SHROOM2: variants seen among roughly 807,000 people sequenced by gnomAD.
SHROOM2 encodes the protein shroom family member 2.
SHROOM2 carries 33 observed loss-of-function variants against 75.9 expected under a neutral mutation model. The ratio of observed to expected loss-of-function variants is 0.43; its 90% CI spans 0.33 to 0.58. The LOEUF (loss-of-function observed/expected upper bound fraction) is 0.58, where lower values mean the gene tolerates loss of function less well. Among genes scored for constraint, SHROOM2 ranks in the 20% least tolerant of loss-of-function variants. The pLI is 0.04. For missense variants in SHROOM2, 1,434 were observed against 1,461.2 expected (o/e 0.98, Z 0.30); for synonymous variants, 655 against 663.6 (o/e 0.99, Z 0.20).
In SHROOM2 at chrX:9,946,968, G is replaced by A. The variant is rs2147069723; in HGVS notation, c.*31G>A. On this transcript the variant is annotated 3_prime_UTR_variant, in exon 10 of 10. Transcript: ENST00000380913. ...CAGTCCCCGGTGGAGGAGGGGCACG[G>A]GGCCTCCGAGCTCCAGCTCCGTTCC... 1 of 1,159,526 alleles carries A rather than the reference G, an allele frequency of 8.6e-7. No individual in the cohort carries two copies. Among genetic ancestry groups the A allele is most frequent in the Non-Finnish European group, 1.2e-6 (1 of 866,992 alleles).
At chrX:9,913,263 G>A (rs769867960) in intron 5 of SHROOM2, 4 of 112,603 alleles carry the variant, frequency 3.6e-5, no homozygotes. Flanking sequence ...AAAAAGCGGC[G>A]AAATCAGGTG....
At chrX:9,942,947 A>T (rs2084785016) in intron 8 of SHROOM2, among the ~76,000 whole-genome samples, 1 of 111,535 alleles carries the variant, frequency 9.0e-6, no homozygotes, top group African/African-American at 3.3e-5. Context: ...TAAGACCTGC[A>T]TTCATTCAAG....
At chrX:9,819,694 C>T (rs894762463) in intron 1 of SHROOM2, among the ~76,000 whole-genome samples, 2 of 111,598 alleles carry the variant, frequency 1.8e-5, no homozygotes, top group African/African-American at 3.3e-5. Flanking sequence ...GTGAAGGCCT[C>T]CCTGCTCTCC....
chrX:9,915,798 T>A (rs1267949390), intron 5 of SHROOM2, among the ~76,000 whole-genome samples: 1 of 112,302 alleles, frequency 8.9e-6, no homozygotes, highest in African/African-American at 3.2e-5. Context: ...AACAATCCAT[T>A]TCCGATTCTG....
chrX:9,858,423 C>CT (rs1257615934), intron 1 of SHROOM2, among the ~76,000 whole-genome samples: 3 of 112,615 alleles, frequency 2.7e-5, no homozygotes, highest in African/African-American at 6.4e-5. Flanking sequence ...TTCAGATCGC[C>CT]TTTTCACTTT....
chrX:9,944,593 C>T (rs752058790), intron 8 of SHROOM2, 48 bp from the exon 9 acceptor site: 69 of 1,151,222 alleles, frequency 6.0e-5, no homozygotes, highest in Admixed American at 9.8e-5. Flanking sequence ...GGGTGGGGGC[C>T]GGCCTAACCA....
At chrX:9,805,900 T>A (rs1239449299) in intron 1 of SHROOM2, among the ~76,000 whole-genome samples, 5 of 86,982 alleles carry the variant, frequency 5.7e-5, no homozygotes, top group Non-Finnish European at 8.1e-5. Flanking sequence ...TGAAACTGTG[T>A]CTCAAAAAAA....
chrX:9,895,580 G>A lies in SHROOM2; in HGVS notation c.1672G>A (p.Ala558Thr), dbSNP rs2084323590. The A allele has an allele frequency of 8.6e-7, 1 of 1,168,553 alleles. No homozygotes were observed. Among genetic ancestry groups the A allele is most frequent in the Admixed American group, 2.5e-5 (1 of 39,513 alleles). The change falls in exon 4 of 10, where the codon GCA becomes ACA. Residue 558 changes from alanine to threonine, a missense_variant. Physicochemically the swap from Ala to Thr is moderately conservative, Grantham distance 58 (BLOSUM62 0). Transcript: ENST00000380913. ...GAQEPPRASR[A>T]EKASQRLAAS... Reference sequence around the variant, plus strand: ...CCAGGAGCCTCCCAGGGCCAGCCGTGCAGAAAAAGCCAGCCAGAGGCTGGC... The same window carrying A: ...CCAGGAGCCTCCCAGGGCCAGCCGTACAGAAAAAGCCAGCCAGAGGCTGGC...
At chrX:9,914,208 A>G (rs888061041) in intron 5 of SHROOM2, among the ~76,000 whole-genome samples, 1 of 108,026 alleles carries the variant, frequency 9.3e-6, no homozygotes, top group Admixed American at 1.0e-4. Context: ...AGGAATAACC[A>G]TACACGTTGG....
intron 1 of SHROOM2, among the ~76,000 whole-genome samples, chrX:9,849,282 C>T (rs188756640): frequency 8.9e-6 from 1 of 111,800 alleles, no homozygotes. Context: ...CATGTGGGAG[C>T]TTCTGTGTAC....
intron 8 of SHROOM2, among the ~76,000 whole-genome samples, chrX:9,942,887 G>A (rs1057019094): frequency 9.0e-6 from 1 of 111,484 alleles, no homozygotes. Context: ...TCTGTGTAGC[G>A]TTCCTTCCCC....
chrX:9,860,577 C>A (rs957218690), intron 1 of SHROOM2, among the ~76,000 whole-genome samples: 34 of 111,506 alleles, frequency 3.0e-4, no homozygotes, highest in African/African-American at 1.1e-3. Flanking sequence ...GCATGTGCCA[C>A]CATGCCTGGC....
At chrX:9,880,121 GGGGACA>G (rs1405767777) in intron 2 of SHROOM2, among the ~76,000 whole-genome samples, 1 of 112,061 alleles carries the variant, frequency 8.9e-6, no homozygotes, top group Admixed American at 9.4e-5. Context: ...GCAGGGATCT[GGGGACA>G]GGTCTTGGTG....
Position 9,887,028 on chromosome X carries a change from G to A in SHROOM2, c.318-3949G>A, listed in dbSNP as rs374676429. ...AACAGAATGATTTTGGTCCAGGAACGGGATTGTTTAGCCTTCTCAGCTGCT... is the reference window on the plus strand; with the variant it reads ...AACAGAATGATTTTGGTCCAGGAACAGGATTGTTTAGCCTTCTCAGCTGCT... On this transcript the variant is annotated intron_variant, in intron 2 of 9. Transcript: ENST00000380913. Among the ~76,000 whole-genome samples the A allele has an allele frequency of 2.7e-5, 3 of 112,298 alleles. No individual in the cohort carries two copies. The South Asian group carries it at 1.1e-3, about 41-fold the overall frequency.
chrX:9,795,097 T>TTTTCTTTCTTTCTTTC (rs143123845), intron 1 of SHROOM2, among the ~76,000 whole-genome samples: 9 of 99,624 alleles, frequency 9.0e-5, no homozygotes, highest in African/African-American at 3.3e-4. Context: ...TCATTTTTCT[T>TTTTCTTTCTTTCTTTC]TTTCTTTCTT....
chrX:9,895,124 A>G lies in SHROOM2; in HGVS notation c.1216A>G (p.Ser406Gly). Residue 406 changes from serine (S) to glycine (G), a missense_variant, in exon 4 of 10, where the codon AGT becomes GGT. Transcript: ENST00000380913. ...GCCGCCCTCCAAGGATGGAGCTTCC[A>G]GTAGGCTGCAGGCCTCTCTGTCCAG... ...SWPPSKDGAS[S>G]RLQASLSSSD... is the part of the protein sequence containing the mutation. 8.3e-7 allele frequency: 1 copy of G among 1,211,690 alleles called. No individual in the cohort carries two copies. Among genetic ancestry groups the G allele is most frequent in the Non-Finnish European group, 1.1e-6 (1 of 895,476 alleles).
intron 1 of SHROOM2, among the ~76,000 whole-genome samples, chrX:9,816,708 C>T (rs927116377): frequency 9.0e-6 from 1 of 110,996 alleles, no homozygotes; most frequent in African/African-American, 3.3e-5. Flanking sequence ...GTCCCTGTAG[C>T]CCAAGGGTGA....
chrX:9,865,398 C>T (rs994294077), intron 1 of SHROOM2: 3 of 110,196 alleles, frequency 2.7e-5, no homozygotes, highest in African/African-American at 6.6e-5. Flanking sequence ...TCTTTCCCTC[C>T]TGCTTCCTGG....
At chrX:9,877,463 G>A (rs1358807282) in intron 2 of SHROOM2, among the ~76,000 whole-genome samples, 7 of 111,461 alleles carry the variant, frequency 6.3e-5, no homozygotes, top group African/African-American at 1.6e-4. Flanking sequence ...CTTCCCAGGC[G>A]GTTTGTTGTT....
Sources: gnomAD v4.1 joint callset for allele counts (sites outside exome capture counted in the v4.1 genomes callset) on GRCh38, gnomAD v4.1.1 for gene constraint, MANE v1.5 for transcripts, NCBI Gene and HGNC (gene_info 2026-07-23, HGNC 2026-07-21) for gene names.